PMEPA1: variants seen among roughly 807,000 people sequenced by gnomAD.
PMEPA1 encodes protein TMEPAI.
Under a neutral mutation model 23.0 loss-of-function variants are expected in PMEPA1, and 11 were observed. The ratio of observed to expected loss-of-function variants is 0.48; its 90% CI spans 0.30 to 0.79. The LOEUF (loss-of-function observed/expected upper bound fraction) is 0.79. Ranked by LOEUF, PMEPA1 falls within the 30% of genes least tolerant of loss-of-function variation. PMEPA1 has a pLI of 0.06. For missense variants in PMEPA1, 377 were observed against 390.9 expected (o/e 0.96, Z 0.30); for synonymous variants, 204 against 166.4 (o/e 1.23, Z -1.74).
chr20:57,681,741 CAGA>C (rs1177989760), intron 1 of PMEPA1, among the ~76,000 whole-genome samples: 1 of 152,160 alleles, frequency 6.6e-6, no homozygotes, highest in Non-Finnish European at 1.5e-5. Context: ...CCTCATTTTA[CAGA>C]AGAAGGAACT....
At position 57,652,506 on chromosome 20, in the gene PMEPA1, A is replaced by G; in HGVS notation, c.411T>C (p.Tyr137=). ...RERFHRFQPT[Y]PYLQHEIDLP... is the part of the protein sequence containing the mutation. ...GGTCGATCTCGTGCTGCAGGTACGG[A>G]TAGGTGGGCTGGAAGCGGTGGAAGC... The change falls in exon 4 of 4, where the codon TAT becomes TAC. Residue 137 remains tyrosine, a synonymous_variant. Transcript: ENST00000341744. This position sits in a 1 kb window ranked among gnomAD's most constrained non-coding sequence, Gnocchi z 6.1. 1 of 1,591,452 alleles carries G rather than the reference A, an allele frequency of 6.3e-7. No homozygotes were observed. The highest frequency in any genetic ancestry group is 8.6e-7 in the Non-Finnish European group (1 of 1,166,944).
chr20:57,672,032 T>C (rs544837474), intron 1 of PMEPA1, among the ~76,000 whole-genome samples: 1 of 152,350 alleles, frequency 6.6e-6, no homozygotes, highest in East Asian at 1.9e-4. Context: ...GATCCATTTT[T>C]ATAGCAAAAA....
At chr20:57,676,458 T>A (rs956168798) in intron 1 of PMEPA1, among the ~76,000 whole-genome samples, 3 of 152,196 alleles carry the variant, frequency 2.0e-5, no homozygotes, top group African/African-American at 7.2e-5. Flanking sequence ...GGTGAATGCG[T>A]CAAGGATGTC....
chr20:57,698,564 C>G (rs2071971581), intron 1 of PMEPA1, among the ~76,000 whole-genome samples: 1 of 152,210 alleles, frequency 6.6e-6, no homozygotes, highest in Non-Finnish European at 1.5e-5. Context: ...GGTGTTTGCG[C>G]AAAGTTGATT....
chr20:57,670,840 G>A (rs1317246634), intron 1 of PMEPA1, among the ~76,000 whole-genome samples: 1 of 152,146 alleles, frequency 6.6e-6, no homozygotes, highest in Non-Finnish European at 1.5e-5. Flanking sequence ...GAACTGTGCA[G>A]AACCCCATTC....
chr20:57,660,376 C>A (rs1011086348), intron 1 of PMEPA1, among the ~76,000 whole-genome samples: 1 of 151,622 alleles, frequency 6.6e-6, no homozygotes, highest in Non-Finnish European at 1.5e-5. Context: ...ACACACACAA[C>A]GCTCCTAAGT....
intron 1 of PMEPA1, among the ~76,000 whole-genome samples, chr20:57,672,691 G>A (rs1005141341): frequency 3.9e-5 from 6 of 152,212 alleles, no homozygotes; most frequent in African/African-American, 9.7e-5. Flanking sequence ...AAGGTCAGGC[G>A]TCAGAGAGGC....
At chr20:57,709,347 G>T in intron 1 of PMEPA1, 127 bp downstream of exon 1, 2 of 585,818 alleles carry the variant, frequency 3.4e-6, no homozygotes, top group African/African-American at 2.1e-5. Flanking sequence ...CGCGGCGGGC[G>T]CTGCCCGGGC....
rs938020216 is a variant in PMEPA1, at chr20:57,649,755, G to A, written c.*2298C>T. On this transcript the variant is annotated 3_prime_UTR_variant, in exon 4 of 4. Transcript: ENST00000341744. ...TCCCTGGTAGAGACAGGGTGAGGAC[G>A]CGCGAGGATGATGGGGTGTCTGAAA... 3 of 152,562 alleles carry A rather than the reference G, an allele frequency of 2.0e-5. No individual in the cohort carries two copies. The highest frequency in any genetic ancestry group is 4.8e-5 in the African/African-American group (2 of 41,422). 9.5% of individuals were successfully genotyped at this position (152,562 alleles called of 1,614,324 possible).
chr20:57,653,181 G>A, intron 2 of PMEPA1, 95 bp from the exon 3 acceptor site: 1 of 1,042,972 alleles, frequency 9.6e-7, no homozygotes, highest in Admixed American at 2.0e-5. Flanking sequence ...CTTTACCCTG[G>A]AATCAGCTCT....
intron 1 of PMEPA1, among the ~76,000 whole-genome samples, chr20:57,696,674 T>C (rs1423417054): frequency 1.3e-5 from 2 of 152,230 alleles, no homozygotes; most frequent in Non-Finnish European, 2.9e-5. Flanking sequence ...CCCTAAATAC[T>C]GACTGCCTCC....
chr20:57,690,285 C>T (rs568010569), intron 1 of PMEPA1: 3 of 550,294 alleles, frequency 5.5e-6, no homozygotes, highest in East Asian at 6.8e-5. Context: ...ACAGACCACC[C>T]GGGGGGGCCG....
intron 1 of PMEPA1, among the ~76,000 whole-genome samples, chr20:57,692,969 G>A (rs1050564913): frequency 3.3e-5 from 5 of 152,200 alleles, no homozygotes; most frequent in African/African-American, 4.8e-5. Context: ...TGGTCAAACC[G>A]AAACCTAATC....
intron 1 of PMEPA1, among the ~76,000 whole-genome samples, chr20:57,700,345 C>T (rs1471614733): frequency 6.6e-6 from 1 of 152,250 alleles, no homozygotes; most frequent in Non-Finnish European, 1.5e-5. Context: ...GTGCCAAGAT[C>T]GTGCAACTTT....
At position 57,683,062 on chromosome 20, in the gene PMEPA1, A is replaced by T. The variant is rs1195120012; in HGVS notation, c.110-23365T>A. Among the ~76,000 whole-genome samples, 1 of 152,194 alleles carries T rather than the reference A, an allele frequency of 6.6e-6. No homozygotes were observed. The highest frequency in any genetic ancestry group is 2.1e-4 in the South Asian group (1 of 4,826). On this transcript the variant is annotated intron_variant, in intron 1 of 3. Transcript: ENST00000341744. The surrounding 1 kb of genome is among the most constrained non-coding windows in gnomAD (Gnocchi z 4.3). ...CAGACCTTTTTCAATGTCATCTCTC[A>T]CGCCGCAGTCTCCGGGGGCATTTAC...
chr20:57,651,852 T>G lies in PMEPA1; in HGVS notation c.*201A>C. ...GAAACGTGGTTTTTTTTTTTCTTTT[T>G]TCTTTTTTTTTTTGCAAGCTCTCTT... On this transcript the variant is annotated 3_prime_UTR_variant, in exon 4 of 4. Coordinates refer to ENST00000341744, the MANE Select transcript of PMEPA1 (RefSeq NM_020182.5). 1 of 384,172 alleles carries G rather than the reference T, an allele frequency of 2.6e-6. No individual in the cohort carries two copies. Among genetic ancestry groups the G allele is most frequent in the East Asian group, 3.8e-5 (1 of 26,270 alleles). The allele number at this position is 384,172 out of a possible 1,614,324, so 23.8% of individuals were successfully genotyped here. A position where few individuals can be genotyped will look rare whatever the true frequency, so the allele number is the denominator to read the frequency against.
rs2071724841 is a variant in PMEPA1 at position 57,682,074 on chromosome 20, G to A, written c.110-22377C>T. Among the ~76,000 whole-genome samples, 3 of 152,210 alleles carry A rather than the reference G, an allele frequency of 2.0e-5. No individual in the cohort carries two copies. In the South Asian group the frequency reaches 6.2e-4, roughly 32 times the overall value. Reference sequence around the variant, plus strand: ...GCTCCCTGAGGGCAGGCTCAGGCCTGTTCCATTCACCAGGTCCTCCCATCT... The same window carrying A: ...GCTCCCTGAGGGCAGGCTCAGGCCTATTCCATTCACCAGGTCCTCCCATCT... On this transcript the variant is annotated intron_variant, in intron 1 of 3. Coordinates refer to ENST00000341744, the MANE Select transcript of PMEPA1 (RefSeq NM_020182.5). The surrounding 1 kb of genome is among the most constrained non-coding windows in gnomAD (Gnocchi z 4.4).
At chr20:57,698,073 AC>A (rs2071964813) in intron 1 of PMEPA1, among the ~76,000 whole-genome samples, 2 of 152,250 alleles carry the variant, frequency 1.3e-5, no homozygotes, top group South Asian at 4.1e-4. Context: ...GTGGCTTATG[AC>A]TTGAAACGTC....
chr20:57,689,621 C>A (rs1000437449), intron 1 of PMEPA1, among the ~76,000 whole-genome samples: 3 of 152,230 alleles, frequency 2.0e-5, no homozygotes, highest in Admixed American at 6.5e-5. Context: ...AGAGTCCTCA[C>A]AACTGTGCCC....
Sources: allele counts gnomAD v4.1 joint callset (sites outside exome capture counted in the v4.1 genomes callset), GRCh38; gene constraint gnomAD v4.1.1; non-coding constraint Gnocchi (gnomAD v3.1); transcripts MANE v1.5; gene names NCBI Gene and HGNC (gene_info 2026-07-23, HGNC 2026-07-21).